CDH3: variants seen among roughly 807,000 people sequenced by gnomAD.
CDH3 encodes cadherin 3.
In CDH3, 54 loss-of-function variants were observed where a neutral mutation model predicts 82.0. The observed-to-expected ratio is 0.66, with a 90% CI of 0.53 to 0.83. The LOEUF (loss-of-function observed/expected upper bound fraction) is 0.83, where lower values mean the gene tolerates loss of function less well. Among genes scored for constraint, CDH3 ranks in the 40% least tolerant of loss-of-function variants. The pLI is 0.00. For synonymous variants in CDH3, 446 were observed against 437.9 expected (o/e 1.02, Z -0.23); for missense variants, 1,054 against 1,084.6 (o/e 0.97, Z 0.40).
downstream of CDH3, among the ~76,000 whole-genome samples, chr16:68,701,055 C>T (rs756500698): frequency 2.3e-4 from 35 of 152,122 alleles, no homozygotes; most frequent in Non-Finnish European, 1.2e-4. Flanking sequence ...TCTTCAACTC[C>T]CTTCAGAGAA....
chr16:68,697,535 C>T (rs1363720440), intron 15 of CDH3, among the ~76,000 whole-genome samples: 3 of 152,018 alleles, frequency 2.0e-5, no homozygotes, highest in Admixed American at 6.6e-5. Flanking sequence ...ACCCTGCCTG[C>T]GTGTTGGAAT....
At chr16:68,717,857 T>C (rs1962112798) in intron 1 of CDH3, among the ~76,000 whole-genome samples, 1 of 152,152 alleles carries the variant, frequency 6.6e-6, no homozygotes, top group African/African-American at 2.4e-5. Flanking sequence ...TTGTGCCTGC[T>C]TCCACCTCCA....
chr16:68,731,037 AAAAAAAAAAAATAT>A (rs1250654320), downstream of CDH3, among the ~76,000 whole-genome samples: 63 of 32,650 alleles, frequency 1.9e-3, no homozygotes, highest in Non-Finnish European at 4.3e-3. Context: ...AAAAAAAAAA[AAAAAAAAAAAATAT>A]ATATATATAT....
chr16:68,711,481 C>T (rs1397226358), intron 1 of CDH3, among the ~76,000 whole-genome samples: 1 of 152,050 alleles, frequency 6.6e-6, no homozygotes, highest in African/African-American at 2.4e-5. Context: ...GCAGGGCTAC[C>T]CAAGGTTACA....
At chr16:68,710,711 G>A (rs1189235443) in intron 1 of CDH3, among the ~76,000 whole-genome samples, 1 of 151,536 alleles carries the variant, frequency 6.6e-6, no homozygotes, top group East Asian at 2.0e-4. Flanking sequence ...GAGTGTGGTG[G>A]CGGGCGCCTG....
chr16:68,705,083 G>C (rs988709899), downstream of CDH3, among the ~76,000 whole-genome samples: 1 of 152,140 alleles, frequency 6.6e-6, no homozygotes, highest in Non-Finnish European at 1.5e-5. Context: ...AAAAATGAGA[G>C]AGAGGTTAAT....
At chr16:68,657,127 C>G (rs1379725482) in intron 2 of CDH3, among the ~76,000 whole-genome samples, 1 of 152,176 alleles carries the variant, frequency 6.6e-6, no homozygotes, top group Non-Finnish European at 1.5e-5. Context: ...TGACAGAATT[C>G]CCTCCAGGCT....
intron 12 of CDH3, among the ~76,000 whole-genome samples, chr16:68,690,667 G>A (rs1961538766): frequency 6.6e-6 from 1 of 152,052 alleles, no homozygotes; most frequent in African/African-American, 2.4e-5. Context: ...CCAGCACTCT[G>A]GGAGGCCGAG....
At chr16:68,660,502 AT>A (rs1337277151) in intron 2 of CDH3, among the ~76,000 whole-genome samples, 1 of 152,134 alleles carries the variant, frequency 6.6e-6, no homozygotes, top group Non-Finnish European at 1.5e-5. Context: ...GTTAGCAAGC[AT>A]TTTGCTGAAT....
downstream of CDH3, among the ~76,000 whole-genome samples, chr16:68,729,125 T>G: frequency 6.6e-6 from 1 of 152,064 alleles, no homozygotes; most frequent in East Asian, 1.9e-4. Flanking sequence ...GCCAACATGA[T>G]GAAACCCCGT....
chr16:68,720,622 T>C (rs1031438607), intron 1 of CDH3, among the ~76,000 whole-genome samples: 8 of 151,124 alleles, frequency 5.3e-5, no homozygotes, highest in African/African-American at 1.9e-4. Context: ...TTAAGTCTTT[T>C]TTTTTTTTTT....
At chr16:68,705,817 G>A (rs931313204) in intron 1 of CDH3, among the ~76,000 whole-genome samples, 2 of 151,512 alleles carry the variant, frequency 1.3e-5, no homozygotes, top group Non-Finnish European at 2.9e-5. Context: ...TGTAATCCCA[G>A]CACTTTGGGA....
intron 1 of CDH3, among the ~76,000 whole-genome samples, chr16:68,705,975 GA>G (rs1567461769): frequency 1.3e-5 from 2 of 149,154 alleles, no homozygotes; most frequent in African/African-American, 4.9e-5. Context: ...TGAGGCAGGA[GA>G]ATGGCATGAA....
At chr16:68,708,393 G>A (rs997188370) in intron 1 of CDH3, among the ~76,000 whole-genome samples, 7 of 113,838 alleles carry the variant, frequency 6.1e-5, no homozygotes, top group Non-Finnish European at 1.4e-4. Context: ...CAGGTAAAAC[G>A]CTGAAGTTTC....
chr16:68,729,747 T>C (rs1962264697), downstream of CDH3, among the ~76,000 whole-genome samples: 1 of 152,028 alleles, frequency 6.6e-6, no homozygotes, highest in Non-Finnish European at 1.5e-5. Context: ...CTCTCTTACC[T>C]CAGCCTCCCT....
chr16:68,654,650 CG>C (rs1960361103), intron 2 of CDH3, among the ~76,000 whole-genome samples: 1 of 143,580 alleles, frequency 7.0e-6, no homozygotes, highest in Non-Finnish European at 1.5e-5. Flanking sequence ...TTGCAGTGAG[CG>C]GAGATCGTGT....
At chr16:68,651,008 A>G (rs1054439501) in intron 2 of CDH3, 4 of 334,112 alleles carry the variant, frequency 1.2e-5, no homozygotes, top group African/African-American at 6.6e-5. Flanking sequence ...CGATGTGGGG[A>G]GAGAGCGTGC....
At chr16:68,695,705 G>A (rs1267647268) in intron 14 of CDH3, 72 bp from the exon 15 acceptor site, 1 of 1,533,660 alleles carries the variant, frequency 6.5e-7, no homozygotes, top group Non-Finnish European at 9.0e-7. Context: ...GGGGGTGTGG[G>A]GTGAGATGTA....
chr16:68,646,510 C>CCCG (rs368020659), intron 2 of CDH3, among the ~76,000 whole-genome samples: 4,784 of 140,134 alleles, frequency 0.034, 255 homozygotes, highest in African/African-American at 0.11. Context: ...CTACCCCCCC[C>CCCG]CTCCCCGCCC....
Sources: allele counts gnomAD v4.1 joint callset (sites outside exome capture counted in the v4.1 genomes callset), GRCh38; gene constraint gnomAD v4.1.1; transcripts MANE v1.5; gene names NCBI Gene and HGNC (gene_info 2026-07-23, HGNC 2026-07-21).